HS6ST3: variants seen among roughly 807,000 people sequenced by gnomAD.
HS6ST3 encodes heparan-sulfate 6-O-sulfotransferase 3.
In HS6ST3, 12 loss-of-function variants were observed where a neutral mutation model predicts 36.7. That is an observed-to-expected ratio of 0.33 (90% CI 0.21 to 0.53). The LOEUF is 0.53. Among genes scored for constraint, HS6ST3 ranks in the 20% least tolerant of loss-of-function variants. The probability of loss-of-function intolerance (pLI) is 0.95; values close to 1 mark genes in which losing one functional copy is unlikely to be tolerated. For missense variants in HS6ST3, 584 were observed against 640.9 expected, an observed-to-expected ratio of 0.91 and a Z score of 0.96; for synonymous variants, 240 against 257.5, an observed-to-expected ratio of 0.93 and a Z score of 0.65.
chr13:96,136,918 T>G (rs933950049), intron 1 of HS6ST3, among the ~76,000 whole-genome samples: 6 of 152,156 alleles, frequency 3.9e-5, no homozygotes, highest in Non-Finnish European at 4.4e-5. Flanking sequence ...TCCTGTAGAC[T>G]TTGTGGTGTG....
intron 1 of HS6ST3, among the ~76,000 whole-genome samples, chr13:96,735,999 T>C (rs1436961911): frequency 1.3e-5 from 2 of 152,014 alleles, no homozygotes; most frequent in Admixed American, 6.5e-5. Context: ...TTCTCACTTA[T>C]AAATAGGAGC....
At chr13:96,639,803 T>C (rs2056563734) in intron 1 of HS6ST3, among the ~76,000 whole-genome samples, 1 of 152,024 alleles carries the variant, frequency 6.6e-6, no homozygotes, top group African/African-American at 2.4e-5. Flanking sequence ...ATGTGGTATT[T>C]GGTATTTGGT....
intron 1 of HS6ST3, among the ~76,000 whole-genome samples, chr13:96,442,761 A>C (rs952799363): frequency 4.2e-5 from 6 of 143,930 alleles, no homozygotes; most frequent in African/African-American, 1.6e-4. Flanking sequence ...CAATATGATA[A>C]AAAGTACAAT....
chr13:96,488,226 C>A (rs1448404689), intron 1 of HS6ST3, among the ~76,000 whole-genome samples: 1 of 151,962 alleles, frequency 6.6e-6, no homozygotes, highest in Non-Finnish European at 1.5e-5. Flanking sequence ...TAAGAAAGGG[C>A]AATTTTGCTA....
rs1566465381 is a variant in HS6ST3 at position 96,835,651 on chromosome 13, T to G, written c.*2453T>G. The G allele has an allele frequency of 1.3e-5, 2 of 149,062 alleles. No individual in the cohort carries two copies. 9.2% of individuals were successfully genotyped at this position (149,062 alleles called of 1,614,324 possible). ...CACACACACAAACAATCCAGTGTTTTGTCATGTGGAAAATCAAAACAAGTT... is the reference window on the plus strand; with the variant it reads ...CACACACACAAACAATCCAGTGTTTGGTCATGTGGAAAATCAAAACAAGTT... On this transcript the variant is annotated 3_prime_UTR_variant, in exon 2 of 2. Coordinates refer to ENST00000376705, the MANE Select transcript of HS6ST3 (RefSeq NM_153456.4).
chr13:96,822,705 T>C (rs990435435), intron 1 of HS6ST3, among the ~76,000 whole-genome samples: 4 of 152,228 alleles, frequency 2.6e-5, no homozygotes, highest in African/African-American at 9.6e-5. Flanking sequence ...TTGTTTGGTT[T>C]GTTTTGTATA....
intron 1 of HS6ST3, among the ~76,000 whole-genome samples, chr13:96,125,765 TTTTTTTA>T (rs1227560311): frequency 6.9e-6 from 1 of 145,500 alleles, no homozygotes; most frequent in Non-Finnish European, 1.5e-5. Context: ...TTTTCTTCCA[TTTTTTTA>T]TTTTTTATTT....
chr13:96,234,106 A>G (rs2054520970), intron 1 of HS6ST3, among the ~76,000 whole-genome samples: 1 of 151,956 alleles, frequency 6.6e-6, no homozygotes, highest in African/African-American at 2.4e-5. Flanking sequence ...CTGTTAAAAA[A>G]AAAAAAAAGG....
chr13:96,657,296 C>T (rs982070405), intron 1 of HS6ST3, among the ~76,000 whole-genome samples: 1 of 152,078 alleles, frequency 6.6e-6, no homozygotes, highest in Non-Finnish European at 1.5e-5. Flanking sequence ...CACAGTGGCT[C>T]ACACCTATAA....
chr13:96,380,699 GAAAT>G (rs1445311766), intron 1 of HS6ST3, among the ~76,000 whole-genome samples: 13 of 152,134 alleles, frequency 8.5e-5, no homozygotes, highest in Admixed American at 4.6e-4. Context: ...GCTAAATAAA[GAAAT>G]AGTTTTGGAT....
intron 1 of HS6ST3, among the ~76,000 whole-genome samples, chr13:96,235,925 C>T (rs1287972534): frequency 1.3e-5 from 2 of 152,094 alleles, no homozygotes; most frequent in Non-Finnish European, 2.9e-5. Context: ...CACAATAGGC[C>T]ATCTGCAAGC....
At chr13:96,595,306 C>A (rs2081391941) in intron 1 of HS6ST3, among the ~76,000 whole-genome samples, 1 of 152,156 alleles carries the variant, frequency 6.6e-6, no homozygotes, top group African/African-American at 2.4e-5. Context: ...CTTGGCCTTG[C>A]TAAGTGCTAG....
At chr13:96,641,662 A>AT (rs914544227) in intron 1 of HS6ST3, among the ~76,000 whole-genome samples, 1 of 151,712 alleles carries the variant, frequency 6.6e-6, no homozygotes, top group Non-Finnish European at 1.5e-5. Context: ...TTTAAATTAT[A>AT]TTTTTTGAGT....
intron 1 of HS6ST3, among the ~76,000 whole-genome samples, chr13:96,668,014 G>A (rs144863612): frequency 6.6e-6 from 1 of 152,264 alleles, no homozygotes; most frequent in East Asian, 1.9e-4. Flanking sequence ...CATTCACCAA[G>A]TCCTTACTAT....
chr13:96,399,692 G>A (rs2055439494), intron 1 of HS6ST3, among the ~76,000 whole-genome samples: 2 of 152,266 alleles, frequency 1.3e-5, no homozygotes, highest in Non-Finnish European at 2.9e-5. Flanking sequence ...GGCTGGAGAT[G>A]TCCAAGGGTC....
At chr13:96,686,892 A>G (rs1463185852) in intron 1 of HS6ST3, among the ~76,000 whole-genome samples, 4 of 152,024 alleles carry the variant, frequency 2.6e-5, no homozygotes, top group South Asian at 2.1e-4. Context: ...TTTTCATGCT[A>G]TTCCTCATTG....
chr13:96,629,534 T>G (rs759879268), intron 1 of HS6ST3, among the ~76,000 whole-genome samples: 1 of 152,214 alleles, frequency 6.6e-6, no homozygotes, highest in Non-Finnish European at 1.5e-5. Context: ...GGCCACGTCA[T>G]GCATGCGTTC....
chr13:96,770,991 C>T (rs76787528), intron 1 of HS6ST3, among the ~76,000 whole-genome samples: 42,595 of 151,858 alleles, frequency 0.28, 6,177 homozygotes, highest in Admixed American at 0.32. Context: ...TTTCTTAATC[C>T]AGTCTATCAT....
chr13:96,351,180 C>T (rs748327393), intron 1 of HS6ST3, among the ~76,000 whole-genome samples: 1 of 152,008 alleles, frequency 6.6e-6, no homozygotes, highest in Non-Finnish European at 1.5e-5. Flanking sequence ...TGACAACTGC[C>T]ATCTCTTACA....
Sources: gnomAD v4.1 joint callset for allele counts (sites outside exome capture counted in the v4.1 genomes callset) on GRCh38, gnomAD v4.1.1 for gene constraint, MANE v1.5 for transcripts, NCBI Gene and HGNC (gene_info 2026-07-23, HGNC 2026-07-21) for gene names.